Variants in FOXN3 observed in about 807,000 individuals in gnomAD.
The protein encoded by FOXN3 is forkhead box N3.
A neutral mutation model predicts 38.4 loss-of-function variants in FOXN3; 7 were observed. The observed-to-expected ratio is 0.18, with a 90% CI of 0.10 to 0.34. The LOEUF (loss-of-function observed/expected upper bound fraction) is 0.34, where lower values mean the gene tolerates loss of function less well. FOXN3 is among the 10% of genes least tolerant of loss of function. The pLI, the probability that FOXN3 is intolerant of heterozygous loss-of-function variation, is 1.00. For synonymous variants in FOXN3, 230 were observed against 242.2 expected (o/e 0.95, Z 0.47); for missense variants, 456 against 613.4 (o/e 0.74, Z 2.71).
At chr14:89,238,092 T>C (rs1230342053) in intron 4 of FOXN3, among the ~76,000 whole-genome samples, 1 of 152,238 alleles carries the variant, frequency 6.6e-6, no homozygotes, top group African/African-American at 2.4e-5. Context: ...CCCTCTACCT[T>C]TAAAGGAGGA....
chr14:89,527,940 G>T (rs1026005228), intron 1 of FOXN3, among the ~76,000 whole-genome samples: 1 of 152,102 alleles, frequency 6.6e-6, no homozygotes, highest in African/African-American at 2.4e-5. Flanking sequence ...GACCTCAGGG[G>T]ATCCACCTGT....
At chr14:89,225,954 T>G (rs1355307095) in intron 4 of FOXN3, among the ~76,000 whole-genome samples, 1 of 152,186 alleles carries the variant, frequency 6.6e-6, no homozygotes, top group African/African-American at 2.4e-5. Flanking sequence ...TAGGTGAGGT[T>G]GTCAGATAAT....
rs1313198497 is a variant in FOXN3 at position 89,164,689 on chromosome 14, G to A, written c.852-1720C>T. ...AGAGCATGAAGCTTGGGAAATGACT[G>A]TGGGTCTCCACCACCATGACTCACC... On this transcript the variant is annotated intron_variant, in intron 5 of 5. Coordinates refer to ENST00000557258, the MANE Select transcript of FOXN3 (RefSeq NM_005197.4). The surrounding 1 kb of genome is among the most constrained non-coding windows in gnomAD (Gnocchi z 4.3). Among the ~76,000 whole-genome samples the A allele has an allele frequency of 1.3e-5, 2 of 152,194 alleles. No homozygotes were observed. Among genetic ancestry groups the A allele is most frequent in the Non-Finnish European group, 2.9e-5 (2 of 68,038 alleles).
chr14:89,313,559 A>C (rs1268098253), intron 3 of FOXN3, among the ~76,000 whole-genome samples: 2 of 147,612 alleles, frequency 1.4e-5, no homozygotes, highest in Non-Finnish European at 1.5e-5. Context: ...GCTGTCTTAA[A>C]AAAAAAAAAA....
chr14:89,307,987 G>A (rs1036344148), intron 3 of FOXN3, among the ~76,000 whole-genome samples: 5 of 152,274 alleles, frequency 3.3e-5, no homozygotes, highest in South Asian at 4.1e-4. Flanking sequence ...AAATTAGGCC[G>A]GGAGCAGTGG....
At chr14:89,608,123 C>T (rs948613258) in intron 1 of FOXN3, among the ~76,000 whole-genome samples, 1 of 151,798 alleles carries the variant, frequency 6.6e-6, no homozygotes, top group South Asian at 2.1e-4. Context: ...GGACTACAGG[C>T]GCCCGCCACC....
intron 1 of FOXN3, among the ~76,000 whole-genome samples, chr14:89,481,753 G>A (rs1226345800): frequency 2.6e-5 from 4 of 152,130 alleles, no homozygotes; most frequent in African/African-American, 9.7e-5. Context: ...ATGAAGCAAC[G>A]CAACAAAAAG....
chr14:89,270,079 C>T (rs1405693001), intron 4 of FOXN3, among the ~76,000 whole-genome samples: 1 of 152,234 alleles, frequency 6.6e-6, no homozygotes, highest in Non-Finnish European at 1.5e-5. Context: ...AGGGACAGAT[C>T]ACAAGCAATT....
intron 3 of FOXN3, among the ~76,000 whole-genome samples, chr14:89,281,939 C>G (rs1032324120): frequency 6.6e-6 from 1 of 152,126 alleles, no homozygotes; most frequent in Non-Finnish European, 1.5e-5. Context: ...AAAATAGGTT[C>G]GAGTAATGCA....
chr14:89,530,407 A>T (rs1168772433), intron 1 of FOXN3, among the ~76,000 whole-genome samples: 3 of 152,034 alleles, frequency 2.0e-5, no homozygotes, highest in Non-Finnish European at 4.4e-5. Context: ...AAACCATCAG[A>T]TCTCATGAGA....
At chr14:89,366,802 TA>T (rs1455105142) in intron 2 of FOXN3, among the ~76,000 whole-genome samples, 4 of 152,164 alleles carry the variant, frequency 2.6e-5, no homozygotes, top group Non-Finnish European at 5.9e-5. Context: ...TGGACGGCAA[TA>T]AAGGTAACGT....
intron 1 of FOXN3, among the ~76,000 whole-genome samples, chr14:89,444,370 T>A (rs1892451957): frequency 1.3e-5 from 2 of 151,982 alleles, no homozygotes. Context: ...TACTATCTGT[T>A]AATCACTGCT....
chr14:89,552,461 T>TA (rs1371039702), intron 1 of FOXN3, among the ~76,000 whole-genome samples: 1 of 151,358 alleles, frequency 6.6e-6, no homozygotes, highest in Non-Finnish European at 1.5e-5. Flanking sequence ...ACCCTTGGTT[T>TA]AAATGAGGTT....
At chr14:89,573,021 A>G (rs1458627043) in intron 1 of FOXN3, among the ~76,000 whole-genome samples, 1 of 152,136 alleles carries the variant, frequency 6.6e-6, no homozygotes, top group Non-Finnish European at 1.5e-5. Context: ...TAGACCCTAG[A>G]GCAGGGCTGT....
chr14:89,251,178 T>C (rs1448881321), intron 4 of FOXN3, among the ~76,000 whole-genome samples: 4 of 152,224 alleles, frequency 2.6e-5, no homozygotes, highest in Admixed American at 2.6e-4. Context: ...CCTTAGAAGG[T>C]GGCATTTCCT....
intron 4 of FOXN3, among the ~76,000 whole-genome samples, chr14:89,276,298 C>A (rs1394333892): frequency 6.6e-6 from 1 of 152,164 alleles, no homozygotes; most frequent in Non-Finnish European, 1.5e-5. Flanking sequence ...GCAACAATAA[C>A]AACAACCAAC....
In FOXN3 at chr14:89,412,415, C is replaced by A; in HGVS notation, c.62G>T (p.Gly21Val). 1 of 1,614,030 alleles carries A rather than the reference C, an allele frequency of 6.2e-7. No homozygotes were observed. Among genetic ancestry groups the A allele is most frequent in the Non-Finnish European group, 8.5e-7 (1 of 1,179,942 alleles). The change falls in exon 2 of 6, where the codon GGA (glycine) becomes GTA (valine). Residue 21 changes from glycine (G) to valine (V), a missense_variant. Coordinates refer to ENST00000557258, the MANE Select transcript of FOXN3 (RefSeq NM_005197.4). The surrounding 1 kb of genome is among the most constrained non-coding windows in gnomAD (Gnocchi z 4.7). ...PESSGISVSS[G>V]LSQCYGGSGF... The stretch of plus-strand genomic sequence containing the variant: ...GCTGCCCCCGTAACACTGACTCAGT[C>A]CACTGGAGACACTAATTCCTGAGCT...
Position 89,412,560 on chromosome 14 carries a change from T to C in FOXN3, c.-14-70A>G. On this transcript the variant is annotated intron_variant, in intron 1 of 5. Transcript: ENST00000557258. The surrounding 1 kb of genome is among the most constrained non-coding windows in gnomAD (Gnocchi z 4.7). Reference sequence around the variant, plus strand: ...AACAGAAAGGCAGACTGTACCCCTCTGATCCTGTTGCCTCCCTCTGCCGCC... The same window carrying C: ...AACAGAAAGGCAGACTGTACCCCTCCGATCCTGTTGCCTCCCTCTGCCGCC... 1 of 1,331,382 alleles carries C rather than the reference T, an allele frequency of 7.5e-7. No homozygotes were observed. The highest frequency in any genetic ancestry group is 1.0e-6 in the Non-Finnish European group (1 of 978,934). 82.5% of individuals were successfully genotyped at this position (1,331,382 alleles called of 1,614,324 possible).
chr14:89,418,424 C>G (rs76946989), upstream of FOXN3, among the ~76,000 whole-genome samples: 1 of 114,458 alleles, frequency 8.7e-6, no homozygotes, highest in Non-Finnish European at 1.8e-5. Flanking sequence ...CCCCCCCCCC[C>G]AATCTGAGAG....
Sources: gnomAD v4.1 joint callset for allele counts (sites outside exome capture counted in the v4.1 genomes callset) on GRCh38, gnomAD v4.1.1 for gene constraint, Gnocchi (gnomAD v3.1) non-coding constraint, MANE v1.5 for transcripts, NCBI Gene and HGNC (gene_info 2026-07-23, HGNC 2026-07-21) for gene names.